CPLX2: variants seen among roughly 807,000 people sequenced by gnomAD.
CPLX2 encodes the protein complexin-2.
In CPLX2, 5 loss-of-function variants were observed where a neutral mutation model predicts 16.3. The ratio of observed to expected loss-of-function variants is 0.31; its 90% CI spans 0.16 to 0.64. The LOEUF is 0.64. CPLX2 is among the 30% of genes least tolerant of loss of function. CPLX2 has a pLI of 0.79. For missense variants in CPLX2, 144 were observed against 181.4 expected (o/e 0.79, Z 1.18); for synonymous variants, 89 against 73.2 (o/e 1.22, Z -1.10).
At chr5:175,877,446 AG>A (rs1456753423) in intron 1 of CPLX2, among the ~76,000 whole-genome samples, 1 of 152,054 alleles carries the variant, frequency 6.6e-6, no homozygotes, top group African/African-American at 2.4e-5. Context: ...GAACCCAACA[AG>A]GTTGCAACAT....
chr5:175,861,456 G>A (rs547692201), intron 2 of CPLX2, among the ~76,000 whole-genome samples: 5 of 152,250 alleles, frequency 3.3e-5, no homozygotes, highest in South Asian at 2.1e-4. Context: ...GTTTGGACCC[G>A]ATGCTGCAGG....
rs1581109882 is a variant in CPLX2, at chr5:175,882,301, G to C, written c.*2256G>C. The C allele has an allele frequency of 6.5e-6, 1 of 152,758 alleles. No homozygotes were observed. The highest frequency in any genetic ancestry group is 2.1e-4 in the South Asian group (1 of 4,818). 9.5% of individuals were successfully genotyped at this position (152,758 alleles called of 1,614,324 possible). On this transcript the variant is annotated 3_prime_UTR_variant, in exon 4 of 4. Coordinates refer to ENST00000393745, the MANE Select transcript of CPLX2 (RefSeq NM_001008220.2). Reference sequence around the variant, plus strand: ...TGGGGTCCTGGGCCAGAGACAGGCAGGGCCCAGTCCAGGGGCCCCAGGCCT... The same window carrying C: ...TGGGGTCCTGGGCCAGAGACAGGCACGGCCCAGTCCAGGGGCCCCAGGCCT...
intron 2 of CPLX2, among the ~76,000 whole-genome samples, chr5:175,814,961 G>T (rs993813899): frequency 2.0e-5 from 3 of 152,148 alleles, no homozygotes; most frequent in African/African-American, 7.2e-5. Flanking sequence ...TTCCGAGATT[G>T]AACGTGAGGG....
rs545664682 is a variant in CPLX2, at chr5:175,880,593, C to A, written c.*548C>A. 1 of 168,248 alleles carries A rather than the reference C, an allele frequency of 5.9e-6. No homozygotes were observed. The allele number at this position is 168,248 out of a possible 1,614,324, so 10.4% of individuals were successfully genotyped here. On this transcript the variant is annotated 3_prime_UTR_variant, in exon 4 of 4. Transcript: ENST00000393745. ...TGGGTGGGAGGCTGGGGCTCTTCTTCTTCCATCTCCTTGGTGACACCCAGC... is the reference window on the plus strand; with the variant it reads ...TGGGTGGGAGGCTGGGGCTCTTCTTATTCCATCTCCTTGGTGACACCCAGC...
intron 2 of CPLX2, among the ~76,000 whole-genome samples, chr5:175,823,948 C>T (rs966503156): frequency 2.6e-5 from 4 of 152,166 alleles, no homozygotes; most frequent in East Asian, 1.9e-4. Context: ...TATTGAAATG[C>T]GCTTTCAATA....
chr5:175,851,915 T>C (rs1759163845), intron 2 of CPLX2, among the ~76,000 whole-genome samples: 2 of 152,230 alleles, frequency 1.3e-5, no homozygotes, highest in African/African-American at 4.8e-5. Context: ...TTCTGCAGCA[T>C]CCTGAGTCAA....
chr5:175,848,252 G>A (rs1401368370), intron 2 of CPLX2, among the ~76,000 whole-genome samples: 1 of 152,170 alleles, frequency 6.6e-6, no homozygotes, highest in Non-Finnish European at 1.5e-5. Context: ...CATGTACAAA[G>A]GCTGAGGCAT....
intron 1 of CPLX2, among the ~76,000 whole-genome samples, chr5:175,875,956 T>C (rs531544305): frequency 5.9e-5 from 9 of 152,052 alleles, no homozygotes; most frequent in African/African-American, 2.2e-4. Context: ...TGGTAAACAA[T>C]GTCTGATGAA....
chr5:175,868,357 C>A (rs997175988), upstream of CPLX2, among the ~76,000 whole-genome samples: 6 of 152,248 alleles, frequency 3.9e-5, no homozygotes, highest in Non-Finnish European at 7.3e-5. Context: ...GATCCTCACA[C>A]AAAGTACTAA....
At chr5:175,803,690 G>A (rs1400239168) in intron 1 of CPLX2, among the ~76,000 whole-genome samples, 1 of 152,248 alleles carries the variant, frequency 6.6e-6, no homozygotes, top group East Asian at 1.9e-4. Flanking sequence ...GGGAGACAGA[G>A]GGGTGGCGTG....
At chr5:175,833,445 G>A (rs1285562230) in intron 2 of CPLX2, among the ~76,000 whole-genome samples, 1 of 152,146 alleles carries the variant, frequency 6.6e-6, no homozygotes, top group Non-Finnish European at 1.5e-5. Flanking sequence ...AGAAGCATGG[G>A]GGGCTGTACA....
rs1055389780 is a variant in CPLX2, at chr5:175,818,846, A to T, written c.-89+9778A>T. 5.3e-5 allele frequency among the ~76,000 whole-genome samples: 8 copies of T among 151,582 alleles called. No individual in the cohort carries two copies. The East Asian group carries it at 1.5e-3, about 29-fold the overall frequency. The stretch of plus-strand genomic sequence containing the variant: ...CCAGCTAATTTTGTATTTTTAGTAG[A>T]GATGGGGTTTCACCATGTTGGTTGG... On this transcript the variant is annotated intron_variant, in intron 2 of 4. Coordinates refer to the CPLX2 transcript ENST00000359546.
At chr5:175,804,404 A>T (rs1303724266) in intron 1 of CPLX2, among the ~76,000 whole-genome samples, 1 of 152,188 alleles carries the variant, frequency 6.6e-6, no homozygotes, top group African/African-American at 2.4e-5. Context: ...CACATCAAGG[A>T]GGTGATACTG....
intron 2 of CPLX2, among the ~76,000 whole-genome samples, chr5:175,854,488 G>A (rs1759215136): frequency 6.6e-6 from 1 of 152,166 alleles, no homozygotes; most frequent in South Asian, 2.1e-4. Context: ...GGGTCATAAT[G>A]CTACATGCAG....
intron 1 of CPLX2, among the ~76,000 whole-genome samples, chr5:175,875,202 G>A (rs913069881): frequency 2.0e-5 from 3 of 152,182 alleles, no homozygotes; most frequent in African/African-American, 7.2e-5. Context: ...CAAAGTGAGA[G>A]GGGTGGGATT....
intron 2 of CPLX2, among the ~76,000 whole-genome samples, chr5:175,829,151 T>C (rs1262006497): frequency 6.6e-6 from 1 of 152,188 alleles, no homozygotes; most frequent in Non-Finnish European, 1.5e-5. Context: ...ACCTGAGAAG[T>C]GCATTTCCCA....
upstream of CPLX2, among the ~76,000 whole-genome samples, chr5:175,866,946 G>A (rs1759489227): frequency 6.6e-6 from 1 of 152,078 alleles, no homozygotes; most frequent in Non-Finnish European, 1.5e-5. Flanking sequence ...AGGCTTGGTG[G>A]TGCACCCCTG....
intron 1 of CPLX2, among the ~76,000 whole-genome samples, chr5:175,805,924 C>T (rs1758191305): frequency 6.6e-6 from 1 of 152,208 alleles, no homozygotes; most frequent in Non-Finnish European, 1.5e-5. Context: ...TCTCCCTCAG[C>T]TCCACACCTC....
chr5:175,842,860 G>A (rs1006799477), intron 2 of CPLX2, among the ~76,000 whole-genome samples: 3 of 152,206 alleles, frequency 2.0e-5, no homozygotes, highest in Non-Finnish European at 2.9e-5. Context: ...ACTGAGGAAA[G>A]AAAGACCAGG....
Sources: allele counts gnomAD v4.1 joint callset (sites outside exome capture counted in the v4.1 genomes callset), GRCh38; gene constraint gnomAD v4.1.1; transcripts MANE v1.5; gene names NCBI Gene and HGNC (gene_info 2026-07-23, HGNC 2026-07-21).